Variants in MYO16 observed in about 807,000 individuals in gnomAD.
The protein encoded by MYO16 is unconventional myosin-XVI.
Under a neutral mutation model 205.3 loss-of-function variants are expected in MYO16, and 94 were observed. The observed-to-expected ratio is 0.46, with a 90% confidence interval of 0.39 to 0.54. The LOEUF is 0.54. MYO16 is among the 20% of genes least tolerant of loss of function. MYO16 has a pLI of 0.00. For missense variants in MYO16, 2,315 were observed against 2,387.5 expected (o/e 0.97, Z 0.63); for synonymous variants, 988 against 954.0 (o/e 1.04, Z -0.66).
intron 27 of MYO16, among the ~76,000 whole-genome samples, chr13:109,076,175 T>C (rs1370856148): frequency 1.3e-5 from 2 of 152,202 alleles, no homozygotes; most frequent in African/African-American, 2.4e-5. Flanking sequence ...ATTATGTTAT[T>C]TATTTATTGA....
In MYO16 at chr13:109,140,550, C is replaced by T; in HGVS notation, c.4338C>T (p.Ser1446=). The T allele has an allele frequency of 6.5e-7, 1 of 1,543,948 alleles. No individual in the cohort carries two copies. Among genetic ancestry groups the T allele is most frequent in the African/African-American group, 1.4e-5 (1 of 71,950 alleles). ...TGGGGCACGCGGCCAGGCCCGATAG[C>T]CCGGACCCCGGGGAGTCCGTGTACG... ...EMLGHAARPD[S]PDPGESVYEE... The change falls in exon 32 of 35, where the codon AGC becomes AGT. Residue 1446 remains serine (S), a synonymous_variant. Coordinates refer to ENST00000457511, the MANE Select transcript of MYO16 (RefSeq NM_001198950.3). The surrounding 1 kb of genome is among the most constrained non-coding windows in gnomAD (Gnocchi z 8.0).
intron 1 of MYO16, among the ~76,000 whole-genome samples, chr13:108,656,866 C>T (rs1248231802): frequency 6.6e-6 from 1 of 152,078 alleles, no homozygotes; most frequent in East Asian, 1.9e-4. Flanking sequence ...AAATCCAGTA[C>T]AAAAGTTAAA....
intron 21 of MYO16, among the ~76,000 whole-genome samples, chr13:108,994,922 T>G (rs1288795172): frequency 6.6e-6 from 1 of 152,116 alleles, no homozygotes; most frequent in Non-Finnish European, 1.5e-5. Context: ...AGGGACACAT[T>G]TGAGGAGATG....
chr13:108,853,898 T>TA (rs967340726), intron 10 of MYO16, among the ~76,000 whole-genome samples: 120 of 151,804 alleles, frequency 7.9e-4, no homozygotes, highest in African/African-American at 2.6e-3. Flanking sequence ...CTAGAGTTCA[T>TA]AAAAAAAATG....
At chr13:108,907,910 A>G (rs1881068669) in intron 15 of MYO16, among the ~76,000 whole-genome samples, 1 of 152,210 alleles carries the variant, frequency 6.6e-6, no homozygotes, top group African/African-American at 2.4e-5. Flanking sequence ...TTCTCATCTG[A>G]TATTTCATGC....
chr13:108,915,366 C>T (rs1280741635), intron 16 of MYO16, among the ~76,000 whole-genome samples: 3 of 152,098 alleles, frequency 2.0e-5, no homozygotes, highest in African/African-American at 7.2e-5. Context: ...CAAAACAAAA[C>T]AAAAATCCAA....
At chr13:108,844,906 T>C (rs1471048512) in intron 10 of MYO16, among the ~76,000 whole-genome samples, 2 of 152,106 alleles carry the variant, frequency 1.3e-5, no homozygotes, top group Admixed American at 6.6e-5. Context: ...TGGTCATGCA[T>C]TGCATGTGTA....
chr13:109,158,870 C>T (rs949022187), intron 32 of MYO16, among the ~76,000 whole-genome samples: 3 of 152,200 alleles, frequency 2.0e-5, no homozygotes, highest in Non-Finnish European at 4.4e-5. Context: ...GTCCCTCCCT[C>T]GGCCTTGGAA....
intron 23 of MYO16, among the ~76,000 whole-genome samples, chr13:109,028,772 G>A (rs996904757): frequency 1.3e-5 from 2 of 151,478 alleles, no homozygotes; most frequent in South Asian, 2.1e-4. Context: ...TCTCAGACAC[G>A]TAGGCCCTGA....
intron 27 of MYO16, chr13:109,065,544 AAG>A (rs752124973): frequency 2.2e-6 from 1 of 462,356 alleles, no homozygotes; most frequent in South Asian, 1.6e-5. Flanking sequence ...AAAAAAGAAA[AAG>A]AAAATTTAAA....
intron 1 of MYO16, among the ~76,000 whole-genome samples, chr13:108,621,560 A>C (rs1879542459): frequency 1.3e-5 from 2 of 152,156 alleles, no homozygotes; most frequent in Admixed American, 1.3e-4. Flanking sequence ...CCATTGTATA[A>C]GCACTACATG....
intron 23 of MYO16, among the ~76,000 whole-genome samples, chr13:109,043,559 CA>C (rs1184040186): frequency 3.9e-5 from 6 of 152,082 alleles, no homozygotes; most frequent in African/African-American, 1.4e-4. Context: ...ATGTATGCAT[CA>C]AATAGCAGTG....
the MYO16 span, among the ~76,000 whole-genome samples, chr13:108,534,790 C>A: frequency 9.2e-4 from 138 of 150,366 alleles, no homozygotes; most frequent in African/African-American, 3.2e-3. Context: ...CTCCTTCTTT[C>A]TTCTTCTTCT....
At chr13:108,582,560 G>A in the MYO16 span, among the ~76,000 whole-genome samples, 7 of 152,162 alleles carry the variant, frequency 4.6e-5, no homozygotes, top group Non-Finnish European at 7.3e-5. Flanking sequence ...GTAAGTTCCC[G>A]GAAGCAGTGC....
At chr13:108,702,771 G>C (rs1883360582) in intron 2 of MYO16, among the ~76,000 whole-genome samples, 1 of 152,112 alleles carries the variant, frequency 6.6e-6, no homozygotes, top group Non-Finnish European at 1.5e-5. Context: ...TAAACATAAT[G>C]ACCCAAAGTT....
At chr13:109,005,216 C>T (rs1885350297) in intron 21 of MYO16, among the ~76,000 whole-genome samples, 1 of 152,168 alleles carries the variant, frequency 6.6e-6, no homozygotes, top group Non-Finnish European at 1.5e-5. Context: ...ATGACAACCA[C>T]AACATGGCAA....
intron 4 of MYO16, among the ~76,000 whole-genome samples, chr13:108,737,839 T>G (rs1884759582): frequency 6.6e-6 from 1 of 152,230 alleles, no homozygotes; most frequent in African/African-American, 2.4e-5. Context: ...ATTCAGAGAT[T>G]CAACTTCTTC....
chr13:109,129,995 A>G (rs1876450507), intron 31 of MYO16, among the ~76,000 whole-genome samples: 2 of 151,898 alleles, frequency 1.3e-5, no homozygotes, highest in African/African-American at 4.8e-5. Context: ...AAAAAAAAAA[A>G]AGTCAATTAA....
In MYO16 at chr13:109,147,327, C is replaced by T. The variant is rs540219817; in HGVS notation, c.5164+5951C>T. Among the ~76,000 whole-genome samples the T allele has an allele frequency of 1.8e-4, 28 of 152,252 alleles. No individual in the cohort carries two copies. In the South Asian group the frequency reaches 2.3e-3, roughly 12 times the overall value. ...GTGCAGTTACCCATTCATTGTTTAG[C>T]GACAAGATGCAGGATGCTTTACAAT... On this transcript the variant is annotated intron_variant, in intron 32 of 34. Transcript: ENST00000457511.
Sources: gnomAD v4.1 joint callset for allele counts (sites outside exome capture counted in the v4.1 genomes callset) on GRCh38, gnomAD v4.1.1 for gene constraint, Gnocchi (gnomAD v3.1) non-coding constraint, MANE v1.5 for transcripts, NCBI Gene and HGNC (gene_info 2026-07-23, HGNC 2026-07-21) for gene names.